FAM110B: variants seen among roughly 807,000 people sequenced by gnomAD.
FAM110B encodes the protein family with sequence similarity 110 member B.
In FAM110B, 6 loss-of-function variants were observed where a neutral mutation model predicts 20.4. That is an observed-to-expected ratio of 0.29 (90% CI 0.16 to 0.58). FAM110B has a LOEUF of 0.58. Ranked by LOEUF, FAM110B falls within the 20% of genes least tolerant of loss-of-function variation. The pLI is 0.90. For synonymous variants in FAM110B, 226 were observed against 214.1 expected (o/e 1.06, Z -0.49); for missense variants, 434 against 498.2 (o/e 0.87, Z 1.23).
intron 3 of FAM110B, among the ~76,000 whole-genome samples, chr8:58,130,412 G>A (rs1803421780): frequency 6.6e-6 from 1 of 152,222 alleles, no homozygotes; most frequent in African/African-American, 2.4e-5. Context: ...TCATGCAGTG[G>A]TAAATGGGGG....
intron 3 of FAM110B, among the ~76,000 whole-genome samples, chr8:58,118,762 AC>A (rs1157265547): frequency 6.6e-6 from 1 of 152,186 alleles, no homozygotes; most frequent in Non-Finnish European, 1.5e-5. Context: ...TTTGAAAAGT[AC>A]CTCATTCTTA....
chr8:58,105,518 G>C (rs1305217387), intron 3 of FAM110B, among the ~76,000 whole-genome samples: 1 of 150,236 alleles, frequency 6.7e-6, no homozygotes, highest in Non-Finnish European at 1.5e-5. Context: ...GGGCAACAGG[G>C]TGAAACCTTG....
At chr8:58,051,093 A>C (rs751622523) in intron 2 of FAM110B, among the ~76,000 whole-genome samples, 10 of 152,196 alleles carry the variant, frequency 6.6e-5, no homozygotes, top group Non-Finnish European at 1.3e-4. Context: ...TTTGATGCTT[A>C]ATGATTTCCA....
chr8:58,137,553 C>T (rs1400668716), intron 3 of FAM110B, among the ~76,000 whole-genome samples: 1 of 151,818 alleles, frequency 6.6e-6, no homozygotes, highest in East Asian at 1.9e-4. Context: ...CAGTGAGCCT[C>T]CGTCTTAAAA....
At chr8:58,069,350 G>C (rs28603007) in intron 2 of FAM110B, among the ~76,000 whole-genome samples, 8,277 of 152,260 alleles carry the variant, frequency 0.054, 760 homozygotes, top group African/African-American at 0.19. Context: ...AACTCTTCGA[G>C]GTGGCTCCTA....
intron 2 of FAM110B, among the ~76,000 whole-genome samples, chr8:58,068,021 A>T (rs1192403854): frequency 6.6e-6 from 1 of 152,222 alleles, no homozygotes; most frequent in African/African-American, 2.4e-5. Context: ...CTTCTACTAA[A>T]CAGGCATGAA....
intron 2 of FAM110B, among the ~76,000 whole-genome samples, chr8:58,037,508 C>T (rs983088518): frequency 6.6e-6 from 1 of 151,710 alleles, no homozygotes; most frequent in African/African-American, 2.4e-5. Context: ...GTGTGTGGTG[C>T]ACGCCTATAA....
chr8:58,130,641 A>G (rs1803438251), intron 3 of FAM110B, among the ~76,000 whole-genome samples: 1 of 152,224 alleles, frequency 6.6e-6, no homozygotes, highest in Non-Finnish European at 1.5e-5. Flanking sequence ...CAATACCTCC[A>G]GTGCTAGTAA....
chr8:58,023,438 C>T (rs1188192183), intron 1 of FAM110B, among the ~76,000 whole-genome samples: 1 of 152,086 alleles, frequency 6.6e-6, no homozygotes, highest in East Asian at 1.9e-4. Flanking sequence ...AGTACAGTGA[C>T]TTTGGAAAAA....
At chr8:58,124,369 A>G (rs781216909) in intron 3 of FAM110B, among the ~76,000 whole-genome samples, 11 of 152,224 alleles carry the variant, frequency 7.2e-5, no homozygotes, top group Non-Finnish European at 1.6e-4. Flanking sequence ...GTAGTGGATC[A>G]ATTCTTGGGT....
At chr8:58,009,730 T>G (rs1243867937) in intron 1 of FAM110B, among the ~76,000 whole-genome samples, 1 of 152,222 alleles carries the variant, frequency 6.6e-6, no homozygotes, top group Non-Finnish European at 1.5e-5. Context: ...TTGATTTTGC[T>G]CCATCTCCTT....
intron 1 of FAM110B, among the ~76,000 whole-genome samples, chr8:58,018,521 G>A (rs1804680896): frequency 6.6e-6 from 1 of 151,772 alleles, no homozygotes; most frequent in South Asian, 2.1e-4. Context: ...GTCTCTTATA[G>A]TGTACAGTTA....
chr8:58,000,759 T>C (rs1804277520), intron 1 of FAM110B, among the ~76,000 whole-genome samples: 1 of 152,230 alleles, frequency 6.6e-6, no homozygotes, highest in Non-Finnish European at 1.5e-5. Context: ...TGTGTGTTTT[T>C]ACCACATAGT....
At chr8:58,025,017 C>T (rs1804826379) in intron 1 of FAM110B, among the ~76,000 whole-genome samples, 1 of 152,188 alleles carries the variant, frequency 6.6e-6, no homozygotes, top group South Asian at 2.1e-4. Flanking sequence ...ACACTGCAGA[C>T]AGGACATAAA....
intron 1 of FAM110B, among the ~76,000 whole-genome samples, chr8:57,999,401 G>A (rs1158633578): frequency 1.3e-5 from 2 of 152,122 alleles, no homozygotes; most frequent in Non-Finnish European, 2.9e-5. Context: ...GAGTGGTTGT[G>A]TTGTAATGCA....
At chr8:58,066,235 T>C (rs1805757615) in intron 2 of FAM110B, among the ~76,000 whole-genome samples, 1 of 152,224 alleles carries the variant, frequency 6.6e-6, no homozygotes, top group Admixed American at 6.5e-5. Context: ...ACTCGTGCAG[T>C]CTGCTCAGGG....
chr8:58,071,789 A>G (rs1432772791), intron 2 of FAM110B, among the ~76,000 whole-genome samples: 1 of 152,238 alleles, frequency 6.6e-6, no homozygotes, highest in Admixed American at 6.5e-5. Context: ...CTTGTAATAC[A>G]GTGTCTTTGT....
At chr8:58,099,949 A>G (rs1186288158) in intron 3 of FAM110B, among the ~76,000 whole-genome samples, 1 of 152,166 alleles carries the variant, frequency 6.6e-6, no homozygotes, top group Non-Finnish European at 1.5e-5. Context: ...CTCAGCATCC[A>G]GAAACACCAT....
chr8:58,097,592 T>G (rs6980927), intron 3 of FAM110B, among the ~76,000 whole-genome samples: 29,004 of 152,114 alleles, frequency 0.19, 6,181 homozygotes, highest in African/African-American at 0.53. Context: ...CCTTGCTGGC[T>G]AGGAGTTGTG....
Sources: gnomAD v4.1 joint callset for allele counts (sites outside exome capture counted in the v4.1 genomes callset) on GRCh38, gnomAD v4.1.1 for gene constraint, MANE v1.5 for transcripts, NCBI Gene and HGNC (gene_info 2026-07-23, HGNC 2026-07-21) for gene names.